The following CUBN variants were observed in gnomAD, a reference collection of about 807,000 sequenced individuals.
The protein encoded by CUBN is cubilin.
CUBN carries 282 observed loss-of-function variants against 405.3 expected under a neutral mutation model. The ratio of observed to expected loss-of-function variants is 0.70; its 90% CI spans 0.63 to 0.77. The LOEUF (loss-of-function observed/expected upper bound fraction) is 0.77, where lower values mean the gene tolerates loss of function less well. Among genes scored for constraint, CUBN ranks in the 30% least tolerant of loss-of-function variants. The pLI, the probability that CUBN is intolerant of heterozygous loss-of-function variation, is 0.00. For synonymous variants in CUBN, 1,684 were observed against 1,617.0 expected, an observed-to-expected ratio of 1.04 and a Z score of -0.99; for missense variants, 4,514 against 4,475.2, an observed-to-expected ratio of 1.01 and a Z score of -0.25.
chr10:17,097,256 G>A (rs1298261575), intron 14 of CUBN, among the ~76,000 whole-genome samples: 1 of 151,908 alleles, frequency 6.6e-6, no homozygotes, highest in African/African-American at 2.4e-5. Flanking sequence ...GAAAAGAGAC[G>A]ACATCACTAC....
At chr10:16,933,390 A>G (rs1842416757) in intron 39 of CUBN, 106 bp from the exon 40 acceptor site, 17 of 928,048 alleles carry the variant, frequency 1.8e-5, no homozygotes, top group South Asian at 2.9e-5. Flanking sequence ...GAAGCAACCA[A>G]TTGAAACAAT....
At chr10:17,108,266 C>A (rs189941548) in intron 10 of CUBN, among the ~76,000 whole-genome samples, 1 of 152,246 alleles carries the variant, frequency 6.6e-6, no homozygotes, top group African/African-American at 2.4e-5. Flanking sequence ...TGAGGACAAG[C>A]AGCTAAAATC....
intron 29 of CUBN, among the ~76,000 whole-genome samples, chr10:16,986,136 G>A (rs1007338864): frequency 9.9e-5 from 15 of 152,212 alleles, no homozygotes; most frequent in African/African-American, 3.1e-4. Context: ...CCATCTTTGG[G>A]AGACAGTTTT....
At chr10:17,124,872 C>A (rs1022873261) in intron 4 of CUBN, among the ~76,000 whole-genome samples, 6 of 152,044 alleles carry the variant, frequency 3.9e-5, no homozygotes, top group Non-Finnish European at 8.8e-5. Flanking sequence ...CGGTCTGTCA[C>A]CCAGGCTGGA....
chr10:16,947,298 G>C lies in CUBN; in HGVS notation c.5279C>G (p.Pro1760Arg). The C allele has an allele frequency of 6.2e-7, 1 of 1,613,976 alleles. No homozygotes were observed. Among genetic ancestry groups the C allele is most frequent in the Non-Finnish European group, 8.5e-7 (1 of 1,179,846 alleles). ...GATGTTCCAGACACATTCCACATTA[G>C]GGGGATAAATGTCTGGGTAGCCAGG... ...NSPGYPDIYP[P>R]NVECVWNIVS... is the part of the protein sequence containing the mutation. The change falls in exon 36 of 67, where the codon CCT becomes CGT. Residue 1760 changes from proline to arginine, a missense_variant. Around this residue, in one of 5 missense-constraint regions of CUBN, gnomAD observed 1,613 missense variants for 1,542.8 expected, o/e 1.05. Transcript: ENST00000377833.
At chr10:16,914,707 T>C (rs1841833311) in intron 47 of CUBN, among the ~76,000 whole-genome samples, 1 of 151,522 alleles carries the variant, frequency 6.6e-6, no homozygotes, top group African/African-American at 2.4e-5. Context: ...AAGTACCCAG[T>C]TTTTCTGAAC....
chr10:17,030,708 C>T (rs1435304802), intron 27 of CUBN, among the ~76,000 whole-genome samples: 1 of 151,584 alleles, frequency 6.6e-6, no homozygotes. Context: ...CACCTGAGGT[C>T]GGCAGTTCGA....
intron 31 of CUBN, among the ~76,000 whole-genome samples, chr10:16,964,857 G>C (rs1385118276): frequency 6.6e-6 from 1 of 152,114 alleles, no homozygotes. Context: ...CTACAACTGT[G>C]CCCCAGTCCT....
chr10:16,844,903 C>T (rs1839470337), intron 60 of CUBN, among the ~76,000 whole-genome samples: 1 of 152,228 alleles, frequency 6.6e-6, no homozygotes, highest in African/African-American at 2.4e-5. Flanking sequence ...CCATTATACG[C>T]AGCTACGGGC....
intron 27 of CUBN, among the ~76,000 whole-genome samples, chr10:17,028,591 G>C (rs905144817): frequency 2.6e-5 from 4 of 151,660 alleles, no homozygotes; most frequent in Non-Finnish European, 4.4e-5. Context: ...CGTGGTGGTG[G>C]GCGCATGTAA....
At chr10:17,076,663 T>C (rs1326211847) in intron 17 of CUBN, among the ~76,000 whole-genome samples, 3 of 152,202 alleles carry the variant, frequency 2.0e-5, no homozygotes, top group Non-Finnish European at 4.4e-5. Flanking sequence ...GACTATGGGC[T>C]TAGCCATAGG....
At chr10:16,831,922 A>C (rs570250508) in intron 64 of CUBN, among the ~76,000 whole-genome samples, 1 of 152,324 alleles carries the variant, frequency 6.6e-6, no homozygotes, top group Non-Finnish European at 1.5e-5. Context: ...ATACAATGCA[A>C]AGTATAATAA....
chr10:16,907,778 G>T, intron 48 of CUBN, 99 bp from the exon 49 acceptor site: 2 of 1,245,176 alleles, frequency 1.6e-6, no homozygotes, highest in Non-Finnish European at 2.3e-6. Context: ...CCTTTTATGG[G>T]AACCCTGCCC....
chr10:16,888,599 T>C (rs1307824825), intron 55 of CUBN, 33 bp from the exon 56 acceptor site: 1 of 1,599,604 alleles, frequency 6.3e-7, no homozygotes, highest in South Asian at 1.1e-5. Context: ...CATCAGATCA[T>C]TTATTTCTCG....
intron 24 of CUBN, 146 bp downstream of exon 24, chr10:17,045,788 G>T (rs1435154740): frequency 2.6e-6 from 2 of 781,648 alleles, no homozygotes; most frequent in Non-Finnish European, 2.2e-6. Flanking sequence ...AGAAATGGCT[G>T]CTGTTAATTT....
Position 17,122,910 on chromosome 10 carries a change from T to C in CUBN, c.490-12A>G, listed in dbSNP as rs767085933. The C allele has an allele frequency of 5.0e-6, 8 of 1,599,050 alleles. No individual in the cohort carries two copies. The highest frequency in any genetic ancestry group is 3.3e-4 in the Middle Eastern group (2 of 6,056). On this transcript the variant is annotated splice_polypyrimidine_tract_variant and intron_variant, in intron 5 of 66. Coordinates refer to ENST00000377833, the MANE Select transcript of CUBN (RefSeq NM_001081.4). ...GAGCAGAGAGGACCCTGTGATCATATAAGGAACAAAGTCAGGTGCCAAAGG... is the reference window on the plus strand; with the variant it reads ...GAGCAGAGAGGACCCTGTGATCATACAAGGAACAAAGTCAGGTGCCAAAGG...
At chr10:16,940,291 G>T in intron 36 of CUBN, 54 bp from the exon 37 acceptor site, 1 of 1,455,256 alleles carries the variant, frequency 6.9e-7, no homozygotes, top group South Asian at 1.1e-5. Context: ...ATAGACTTTG[G>T]GATTCTCCCG....
intron 24 of CUBN, among the ~76,000 whole-genome samples, 200 bp from the exon 25 acceptor site, chr10:17,045,388 C>T (rs545401496): frequency 5.7e-5 from 8 of 139,352 alleles, no homozygotes; most frequent in African/African-American, 2.2e-4. Context: ...GAGATGGAGT[C>T]TCACTGGGTC....
intron 55 of CUBN, 117 bp downstream of exon 55, chr10:16,890,254 T>C: frequency 1.1e-6 from 1 of 919,478 alleles, no homozygotes; most frequent in East Asian, 2.4e-5. Flanking sequence ...AGGTGACTCA[T>C]CCTCCCCGTA....
Sources: allele counts gnomAD v4.1 joint callset (sites outside exome capture counted in the v4.1 genomes callset), GRCh38; gene constraint gnomAD v4.1.1; regional missense constraint gnomAD v4.1.1; transcripts MANE v1.5; gene names NCBI Gene and HGNC (gene_info 2026-07-23, HGNC 2026-07-21).